CALN1: variants seen among roughly 807,000 people sequenced by gnomAD.
CALN1 encodes the protein calcium-binding protein 8.
CALN1 carries 17 observed loss-of-function variants against 30.6 expected under a neutral mutation model. That is an observed-to-expected ratio of 0.56 (90% CI 0.38 to 0.83). The LOEUF is 0.83. Ranked by LOEUF, CALN1 falls within the 40% of genes least tolerant of loss-of-function variation. The pLI, the probability that CALN1 is intolerant of heterozygous loss-of-function variation, is 0.00. For missense variants in CALN1, 291 were observed against 354.9 expected (o/e 0.82, Z 1.45); for synonymous variants, 156 against 131.4 (o/e 1.19, Z -1.28).
intron 2 of CALN1, 95 bp downstream of exon 2, chr7:72,403,156 C>A (rs1455836770): frequency 3.5e-6 from 3 of 848,380 alleles, no homozygotes; most frequent in Non-Finnish European, 5.4e-6. Context: ...AGCCTAGACA[C>A]GCAGCAGCGG....
At chr7:72,295,290 ATACT>A (rs1798772327) in intron 2 of CALN1, among the ~76,000 whole-genome samples, 1 of 152,228 alleles carries the variant, frequency 6.6e-6, no homozygotes, top group Non-Finnish European at 1.5e-5. Flanking sequence ...AATGGAAACA[ATACT>A]TATTTTTAAA....
chr7:72,096,988 G>C (rs1426027919), intron 4 of CALN1, among the ~76,000 whole-genome samples: 1 of 152,148 alleles, frequency 6.6e-6, no homozygotes, highest in Non-Finnish European at 1.5e-5. Flanking sequence ...CATAAAAAAG[G>C]ATGAGTTCAT....
chr7:72,459,450 C>T, the CALN1 span, among the ~76,000 whole-genome samples: 4 of 152,076 alleles, frequency 2.6e-5, no homozygotes, highest in African/African-American at 9.7e-5. Flanking sequence ...AGTTGTTTCA[C>T]TGCATATCTG....
intron 2 of CALN1, among the ~76,000 whole-genome samples, chr7:72,390,287 G>A (rs954994210): frequency 3.3e-5 from 5 of 150,794 alleles, no homozygotes; most frequent in Middle Eastern, 6.8e-3. Flanking sequence ...AAAAATTAGC[G>A]GGGCATGGTG....
the CALN1 span, among the ~76,000 whole-genome samples, chr7:72,484,103 C>G: frequency 2.6e-5 from 4 of 152,082 alleles, no homozygotes; most frequent in Non-Finnish European, 5.9e-5. Flanking sequence ...CATTCTGACA[C>G]CATTGTCAGT....
At chr7:71,934,042 T>C (rs1795699457) in intron 5 of CALN1, among the ~76,000 whole-genome samples, 1 of 152,188 alleles carries the variant, frequency 6.6e-6, no homozygotes, top group Non-Finnish European at 1.5e-5. Flanking sequence ...GAACAGCCAA[T>C]CTGAGTTTTT....
At chr7:72,245,442 A>G (rs1464516077) in intron 3 of CALN1, among the ~76,000 whole-genome samples, 3 of 151,330 alleles carry the variant, frequency 2.0e-5, no homozygotes, top group Admixed American at 1.3e-4. Flanking sequence ...AACATGGTGA[A>G]ACCCCCATCT....
chr7:72,265,279 C>T (rs1439461505), intron 3 of CALN1, among the ~76,000 whole-genome samples: 3 of 152,172 alleles, frequency 2.0e-5, no homozygotes, highest in Admixed American at 6.6e-5. Context: ...TCATCACCTG[C>T]GATGAGTGGA....
chr7:71,855,107 AAAG>A (rs1368674025), intron 5 of CALN1, among the ~76,000 whole-genome samples: 1 of 152,216 alleles, frequency 6.6e-6, no homozygotes, highest in Admixed American at 6.5e-5. Context: ...TCGAGCTAAT[AAAG>A]AAGAAAGGGA....
chr7:72,314,628 C>T (rs1010893478), intron 2 of CALN1, among the ~76,000 whole-genome samples: 8 of 151,330 alleles, frequency 5.3e-5, no homozygotes, highest in Non-Finnish European at 1.0e-4. Context: ...CCATATTGGC[C>T]AGGCTCAAAC....
intron 5 of CALN1, among the ~76,000 whole-genome samples, chr7:71,883,887 C>A (rs1477119851): frequency 6.6e-6 from 1 of 152,116 alleles, no homozygotes; most frequent in African/African-American, 2.4e-5. Flanking sequence ...AATGTTTCCT[C>A]CTGAGAAACT....
At chr7:71,824,431 C>A (rs932061855) in intron 5 of CALN1, among the ~76,000 whole-genome samples, 2 of 152,048 alleles carry the variant, frequency 1.3e-5, no homozygotes, top group Non-Finnish European at 2.9e-5. Context: ...GTGAAAGGAA[C>A]CTCAGGGGTG....
chr7:72,299,720 G>C (rs1184330941), intron 2 of CALN1, among the ~76,000 whole-genome samples: 2 of 132,578 alleles, frequency 1.5e-5, no homozygotes, highest in African/African-American at 5.7e-5. Context: ...TAAAAAGAGA[G>C]ACTGAGGTCC....
intron 3 of CALN1, among the ~76,000 whole-genome samples, chr7:72,219,639 G>GCA (rs147484869): frequency 1.3e-4 from 19 of 151,152 alleles, no homozygotes; most frequent in Admixed American, 6.0e-4. Flanking sequence ...ACACATGCGC[G>GCA]CACACACACA....
intron 4 of CALN1, among the ~76,000 whole-genome samples, chr7:72,091,542 T>C (rs998919633): frequency 2.6e-5 from 4 of 152,058 alleles, no homozygotes; most frequent in African/African-American, 9.7e-5. Flanking sequence ...CCATAAAAAA[T>C]AAAAATTAAA....
At chr7:72,248,324 C>G (rs150142328) in intron 3 of CALN1, among the ~76,000 whole-genome samples, 2 of 152,042 alleles carry the variant, frequency 1.3e-5, no homozygotes, top group African/African-American at 4.8e-5. Context: ...CATATAGGCC[C>G]GGCTGGTCTA....
At chr7:72,138,660 T>C (rs1197727172) in intron 3 of CALN1, among the ~76,000 whole-genome samples, 1 of 152,134 alleles carries the variant, frequency 6.6e-6, no homozygotes, top group African/African-American at 2.4e-5. Flanking sequence ...TTCAACAACA[T>C]AAAAAGCAAT....
chr7:71,950,899 A>G (rs2129523998), intron 5 of CALN1, among the ~76,000 whole-genome samples: 1 of 152,222 alleles, frequency 6.6e-6, no homozygotes, highest in Non-Finnish European at 1.5e-5. Flanking sequence ...AGAGTTCTTC[A>G]TAAAGCCGGC....
chr7:72,368,177 ATGTGTATCTG>A lies in CALN1; in HGVS notation c.119+35064_119+35073del, dbSNP rs1383226494. ...TGTGTGTATATATATATGTGTATAT[ATGTGTATCTG>A]TATATATATATGTGTGTGTATATAT... On this transcript the variant is annotated intron_variant, in intron 2 of 6. Transcript: ENST00000395275. Among the ~76,000 whole-genome samples the A allele has an allele frequency of 2.0e-5, 3 of 151,420 alleles. No homozygotes were observed. The East Asian group carries it at 5.8e-4, about 29-fold the overall frequency.
Sources: gnomAD v4.1 joint callset for allele counts (sites outside exome capture counted in the v4.1 genomes callset) on GRCh38, gnomAD v4.1.1 for gene constraint, MANE v1.5 for transcripts, NCBI Gene and HGNC (gene_info 2026-07-23, HGNC 2026-07-21) for gene names.